The following SGPL1 variants were observed in gnomAD, a reference collection of about 807,000 sequenced individuals.
SGPL1 encodes SP-lyase 1.
Under a neutral mutation model 68.9 loss-of-function variants are expected in SGPL1, and 37 were observed. The observed-to-expected ratio is 0.54, with a 90% CI of 0.41 to 0.71. The LOEUF is 0.71. Among genes scored for constraint, SGPL1 ranks in the 30% least tolerant of loss-of-function variants. The probability of loss-of-function intolerance (pLI) is 0.00; values close to 1 mark genes in which losing one functional copy is unlikely to be tolerated. For synonymous variants in SGPL1, 236 were observed against 248.5 expected (o/e 0.95, Z 0.47); for missense variants, 551 against 704.6 (o/e 0.78, Z 2.47).
chr10:70,844,541 A>G lies in SGPL1; in HGVS notation c.96A>G (p.Gly32=), dbSNP rs2131885073. Residue 32 remains glycine, a synonymous_variant, in exon 3 of 15, where the codon GGA becomes GGG. Coordinates refer to ENST00000373202, the MANE Select transcript of SGPL1 (RefSeq NM_003901.4). ...YSTKAKNYVN[G]HCTKYEPWQL... ...CAAAAGCCAAGAATTATGTAAATGGACATTGCACCAAGTATGAGCCCTGGC... is the reference window on the plus strand; with the variant it reads ...CAAAAGCCAAGAATTATGTAAATGGGCATTGCACCAAGTATGAGCCCTGGC... 1 of 1,614,138 alleles carries G rather than the reference A, an allele frequency of 6.2e-7. No individual in the cohort carries two copies. Among genetic ancestry groups the G allele is most frequent in the Non-Finnish European group, 8.5e-7 (1 of 1,179,980 alleles).
Position 70,873,745 on chromosome 10 carries a change from C to T in SGPL1, c.1298+156C>T, listed in dbSNP as rs10823632. On this transcript the variant is annotated intron_variant, in intron 12 of 14. Coordinates refer to ENST00000373202, the MANE Select transcript of SGPL1 (RefSeq NM_003901.4). ...CAGCAGCTTAGGGCTTAGGCCAGACCAGCTGGCCTGGGAGAAGAAGCTCCC... is the reference window on the plus strand; with the variant it reads ...CAGCAGCTTAGGGCTTAGGCCAGACTAGCTGGCCTGGGAGAAGAAGCTCCC... 0.35 allele frequency among the ~76,000 whole-genome samples: 52,868 copies of T among 152,208 alleles called. 9,526 individuals are homozygous for T. The highest frequency in any genetic ancestry group is 0.5 in the South Asian group (2,404 of 4,824).
At chr10:70,868,457 C>T (rs750548605) in intron 8 of SGPL1, 24 bp downstream of exon 8, 7 of 1,586,064 alleles carry the variant, frequency 4.4e-6, no homozygotes, top group South Asian at 2.2e-5. Context: ...GCTGTTTTGT[C>T]CCCTTTTGGA....
intron 2 of SGPL1, among the ~76,000 whole-genome samples, chr10:70,833,657 T>A (rs1845579471): frequency 6.6e-6 from 1 of 152,176 alleles, no homozygotes; most frequent in African/African-American, 2.4e-5. Flanking sequence ...CTGGCTTTTC[T>A]TTTTTTGGTG....
Position 70,872,044 on chromosome 10 carries a change from A to G in SGPL1, c.1059+58A>G, listed in dbSNP as rs866775665. On this transcript the variant is annotated intron_variant, in intron 11 of 14. Transcript: ENST00000373202. ...TGATTATTTTGACTATTATTGATAA[A>G]ATAAATTGGTAGCTTCCCCGCAAAG... The G allele has an allele frequency of 1.2e-5, 18 of 1,535,622 alleles. No homozygotes were observed. In the Middle Eastern group the frequency reaches 5.9e-4, roughly 50 times the overall value.
chr10:70,877,251 G>C lies in SGPL1; in HGVS notation c.1623G>C (p.Leu541Phe). 6.2e-7 allele frequency: 1 copy of C among 1,614,128 alleles called. No homozygotes were observed. Among genetic ancestry groups the C allele is most frequent in the East Asian group, 2.2e-5 (1 of 44,884 alleles). ...TTVDRNMVAELSSVFLDSLYS... is the reference protein window; with the variant it reads ...TTVDRNMVAEFSSVFLDSLYS... ...TTGACAGGAATATGGTTGCAGAATT[G>C]TCCTCAGTCTTCTTGGACAGCTTGT... Residue 541 changes from leucine to phenylalanine, a missense_variant, in exon 15 of 15, where the codon TTG (leucine) becomes TTC (phenylalanine). By Grantham distance (22) the Leu-to-Phe change is conservative. Coordinates refer to ENST00000373202, the MANE Select transcript of SGPL1 (RefSeq NM_003901.4).
rs1281631258 is a variant in SGPL1 at position 70,857,668 on chromosome 10, A to T, written c.464A>T (p.Lys155Met). 1 of 1,612,014 alleles carries T rather than the reference A, an allele frequency of 6.2e-7. No individual in the cohort carries two copies. Among genetic ancestry groups the T allele is most frequent in the Admixed American group, 1.7e-5 (1 of 59,758 alleles). The change falls in exon 6 of 15, where the codon AAG (lysine) becomes ATG (methionine). Residue 155 changes from lysine (K) to methionine (M), a missense_variant. Physicochemically the swap from Lys to Met is moderately conservative, Grantham distance 95. Coordinates refer to ENST00000373202, the MANE Select transcript of SGPL1 (RefSeq NM_003901.4). ...ASGTVYSGEE[K>M]LTELLVKAYG... is the part of the protein sequence containing the mutation. ...GGAACAGTGTACAGTGGGGAGGAGA[A>T]GCTCACTGAGCTCCTTGTGAAGGTG...
At chr10:70,838,519 A>T (rs1845664336) in intron 2 of SGPL1, among the ~76,000 whole-genome samples, 1 of 152,240 alleles carries the variant, frequency 6.6e-6, no homozygotes, top group African/African-American at 2.4e-5. Flanking sequence ...ACTTCAGCTC[A>T]TATTCCTGAC....
In SGPL1 at chr10:70,851,183, C is replaced by T. The variant is rs2131896743; in HGVS notation, c.234C>T (p.Thr78=). 6.2e-7 allele frequency: 1 copy of T among 1,613,646 alleles called. No individual in the cohort carries two copies. Among genetic ancestry groups the T allele is most frequent in the Non-Finnish European group, 8.5e-7 (1 of 1,179,666 alleles). ...TTAAAAAGAAATGTTTTAAGCTCACCAGGAAGATGCCCATTATTGGTCGTA... is the reference window on the plus strand; with the variant it reads ...TTAAAAAGAAATGTTTTAAGCTCACTAGGAAGATGCCCATTATTGGTCGTA... ...SRFKKKCFKL[T]RKMPIIGRKI... The change falls in exon 4 of 15, where the codon ACC becomes ACT. Residue 78 remains threonine, a synonymous_variant. Transcript: ENST00000373202.
rs984993007 is a variant in SGPL1, at chr10:70,879,370, G to A, written c.*2035G>A. ...GCTGGCCACGCCATTCAGGGCTGGT[G>A]TGGCATTTATGTGTGTGTGTGTGTG... is the stretch of plus-strand genomic sequence containing the variant. On this transcript the variant is annotated 3_prime_UTR_variant, in exon 15 of 15. Transcript: ENST00000373202. The A allele has an allele frequency of 8.6e-6, 1 of 115,902 alleles. No individual in the cohort carries two copies. Among genetic ancestry groups the A allele is most frequent in the African/African-American group, 3.2e-5 (1 of 31,704 alleles). The allele number at this position is 115,902 out of a possible 1,614,324, so 7.2% of individuals were successfully genotyped here. A position where few individuals can be genotyped will look rare whatever the true frequency, so the allele number is the denominator to read the frequency against.
chr10:70,848,187 T>G (rs953013683), intron 3 of SGPL1, among the ~76,000 whole-genome samples: 1 of 152,206 alleles, frequency 6.6e-6, no homozygotes, highest in Non-Finnish European at 1.5e-5. Flanking sequence ...TTAGCCCATT[T>G]CCTTGCAATA....
At chr10:70,843,042 T>C (rs964825356) in intron 2 of SGPL1, among the ~76,000 whole-genome samples, 2 of 152,266 alleles carry the variant, frequency 1.3e-5, no homozygotes, top group East Asian at 3.8e-4. Flanking sequence ...TTGCAGCTAC[T>C]ATCCTCTCTT....
In SGPL1 at chr10:70,875,546, C is replaced by T; in HGVS notation, c.1443C>T (p.Pro481=). 1 of 1,606,168 alleles carries T rather than the reference C, an allele frequency of 6.2e-7. No homozygotes were observed. Among genetic ancestry groups the T allele is most frequent in the Non-Finnish European group, 8.5e-7 (1 of 1,175,710 alleles). Residue 481 remains proline (P), a splice_region_variant and synonymous_variant, in exon 13 of 15, where the codon CCC becomes CCT. Transcript: ENST00000373202. The part of the protein sequence containing the change: ...GWNLNQLQFP[P]SIHFCITLLH... ...ACTTGAACCAGTTGCAGTTCCCACCCAGGTAAGCTTGAAGAAGCCTCTTTC... is the reference window on the plus strand; with the variant it reads ...ACTTGAACCAGTTGCAGTTCCCACCTAGGTAAGCTTGAAGAAGCCTCTTTC...
Position 70,860,152 on chromosome 10 carries a change from G to A in SGPL1, c.615+653G>A, listed in dbSNP as rs149022097. The stretch of plus-strand genomic sequence containing the variant: ...TTTTACCTGTTCTTTCAAGTAGATG[G>A]TTGTTAGTTTTCGTAAACTATGATA... On this transcript the variant is annotated intron_variant, in intron 7 of 14. Coordinates refer to ENST00000373202, the MANE Select transcript of SGPL1 (RefSeq NM_003901.4). 9.9e-5 allele frequency among the ~76,000 whole-genome samples: 15 copies of A among 152,270 alleles called. No homozygotes were observed. The East Asian group carries it at 2.3e-3, about 23-fold the overall frequency.
At chr10:70,876,996 G>T (rs1282051533) in intron 14 of SGPL1, among the ~76,000 whole-genome samples, 199 bp from the exon 15 acceptor site, 1 of 152,242 alleles carries the variant, frequency 6.6e-6, no homozygotes, top group Non-Finnish European at 1.5e-5. Context: ...TATGCAGAAA[G>T]GCAGACTGGA....
At chr10:70,874,009 C>G (rs1251729281) in intron 12 of SGPL1, among the ~76,000 whole-genome samples, 3 of 152,070 alleles carry the variant, frequency 2.0e-5, no homozygotes, top group Admixed American at 6.5e-5. Context: ...GGGATGGGCT[C>G]TAAAAATTTC....
At chr10:70,832,033 A>G (rs767769396) in intron 2 of SGPL1, among the ~76,000 whole-genome samples, 8 of 152,192 alleles carry the variant, frequency 5.3e-5, no homozygotes, top group South Asian at 4.1e-4. Flanking sequence ...AACAAGGGCT[A>G]TGGGGGTTAT....
At chr10:70,861,214 C>T (rs1323201314) in intron 7 of SGPL1, among the ~76,000 whole-genome samples, 2 of 151,282 alleles carry the variant, frequency 1.3e-5, no homozygotes, top group Non-Finnish European at 2.9e-5. Flanking sequence ...AAAAAGTTAA[C>T]CAGAATGCAG....
chr10:70,853,067 T>C (rs550602916), intron 4 of SGPL1, among the ~76,000 whole-genome samples: 1 of 152,348 alleles, frequency 6.6e-6, no homozygotes, highest in South Asian at 2.1e-4. Context: ...TAGCATACTC[T>C]ATGTATGGAA....
intron 11 of SGPL1, 112 bp downstream of exon 11, chr10:70,872,098 G>C (rs569950516): frequency 9.2e-7 from 1 of 1,092,198 alleles, no homozygotes; most frequent in Admixed American, 2.7e-5. Flanking sequence ...ATTCTCATCA[G>C]ATGCTTGTTT....
Sources: gnomAD v4.1 joint callset for allele counts (sites outside exome capture counted in the v4.1 genomes callset) on GRCh38, gnomAD v4.1.1 for gene constraint, MANE v1.5 for transcripts, NCBI Gene and HGNC (gene_info 2026-07-23, HGNC 2026-07-21) for gene names.